Variants in ACP1 observed in about 807,000 individuals in gnomAD.
The protein encoded by ACP1 is acid phosphatase 1, also known as low molecular weight phosphotyrosine protein phosphatase.
ACP1 carries 23 observed loss-of-function variants against 23.4 expected under a neutral mutation model. The observed-to-expected ratio is 0.98, with a 90% CI of 0.71 to 1.39. The LOEUF is 1.39. Ranked by LOEUF, ACP1 falls within the 40% of genes most tolerant of loss-of-function variation. The pLI, the probability that ACP1 is intolerant of heterozygous loss-of-function variation, is 0.00. For synonymous variants in ACP1, 72 were observed against 67.2 expected (o/e 1.07, Z -0.35); for missense variants, 180 against 197.7 (o/e 0.91, Z 0.54).
At position 272,084 on chromosome 2, in the gene ACP1, C is replaced by T. The variant is rs201796949; in HGVS notation, c.165C>T (p.Pro55=). 2 of 1,614,198 alleles carry T rather than the reference C, an allele frequency of 1.2e-6. No homozygotes were observed. Among genetic ancestry groups the T allele is most frequent in the Admixed American group, 1.7e-5 (1 of 60,020 alleles). ...AATSGYEIGN[P]PDYRGQSCMK... is the part of the protein sequence containing the mutation. ...CTTCCGGGTATGAGATAGGGAACCC[C>T]CCTGACTACCGAGGGCAGAGCTGCA... The change falls in exon 3 of 6, where the codon CCC becomes CCT. Residue 55 remains proline, a synonymous_variant. Transcript: ENST00000272065.
In ACP1 at chr2:277,586, C is replaced by A; in HGVS notation, c.*282C>A. 2.3e-6 allele frequency: 1 copy of A among 432,348 alleles called. No homozygotes were observed. The highest frequency in any genetic ancestry group is 4.2e-6 in the Non-Finnish European group (1 of 235,436). The allele number at this position is 432,348 out of a possible 1,614,324, so 26.8% of individuals were successfully genotyped here. On this transcript the variant is annotated 3_prime_UTR_variant, in exon 6 of 6. Transcript: ENST00000272065. ...CCAGTTACAAAAATAGTAGAACAAG[C>A]AACATAAAACAATGAAGGAAAACCT...
In ACP1 at chr2:272,363, G is replaced by A. The variant is rs753263036; in HGVS notation, c.231+213G>A. ...AGAGTCCAGTAACTTGAGAAGTAGC[G>A]AAAGGATTAACCAGACTTGTATATT... On this transcript the variant is annotated intron_variant, in intron 3 of 5. Transcript: ENST00000272065. The A allele has an allele frequency of 3.0e-5, 46 of 1,557,634 alleles. No homozygotes were observed. The South Asian group carries it at 3.6e-4, about 12-fold the overall frequency.
Position 278,003 on chromosome 2 carries a change from T to G in ACP1, c.*699T>G, listed in dbSNP as rs1367226722. ...TAATTACATCCAGAAAGAAGGACAC[T>G]TGTATGCTAGTCTATGGTCAGTTGA... On this transcript the variant is annotated 3_prime_UTR_variant, in exon 6 of 6. Coordinates refer to ENST00000272065, the MANE Select transcript of ACP1 (RefSeq NM_004300.4). 2.0e-5 allele frequency: 3 copies of G among 152,282 alleles called. No homozygotes were observed. The highest frequency in any genetic ancestry group is 1.3e-4 in the Admixed American group (2 of 15,288). The allele number at this position is 152,282 out of a possible 1,614,324, so 9.4% of individuals were successfully genotyped here.
intron 4 of ACP1, 133 bp downstream of exon 4, chr2:275,334 T>C (rs975997608): frequency 8.9e-6 from 4 of 447,320 alleles, no homozygotes; most frequent in African/African-American, 4.0e-5. Context: ...TGTAGAATTA[T>C]TTTATTTAGA....
Position 264,981 on chromosome 2 carries a change from C to G in ACP1, c.17C>G (p.Thr6Ser), listed in dbSNP as rs202179100. The G allele has an allele frequency of 6.2e-7, 1 of 1,613,098 alleles. No individual in the cohort carries two copies. Among genetic ancestry groups the G allele is most frequent in the Non-Finnish European group, 8.5e-7 (1 of 1,179,588 alleles). Residue 6 changes from threonine to serine, a missense_variant, in exon 1 of 6, where the codon ACC becomes AGC. Coordinates refer to ENST00000272065, the MANE Select transcript of ACP1 (RefSeq NM_004300.4). ...CGCGGGAAGATGGCGGAACAGGCTACCAAGTCCGTGCTGTTTGTGTGTCTG... is the reference window on the plus strand; with the variant it reads ...CGCGGGAAGATGGCGGAACAGGCTAGCAAGTCCGTGCTGTTTGTGTGTCTG... Reference protein sequence around the residue: MAEQATKSVLFVCLGN... With the variant: MAEQASKSVLFVCLGN...
Position 267,820 on chromosome 2 carries a change from A to G in ACP1, c.43+2813A>G, listed in dbSNP as rs543504963. ...TATAATTATTTTAGATTGGCTTCAC[A>G]TGACATACAGAAAGGGTGTAGCACA... On this transcript the variant is annotated intron_variant, in intron 1 of 5. Transcript: ENST00000272065. 1.6e-4 allele frequency among the ~76,000 whole-genome samples: 25 copies of G among 152,362 alleles called. No homozygotes were observed. The South Asian group carries it at 2.9e-3, about 18-fold the overall frequency.
chr2:274,317 C>T (rs181139392), intron 3 of ACP1, among the ~76,000 whole-genome samples: 1 of 152,190 alleles, frequency 6.6e-6, no homozygotes, highest in Non-Finnish European at 1.5e-5. Flanking sequence ...CAGGTATACA[C>T]TTTCCACCTT....
intron 1 of ACP1, 43 bp downstream of exon 1, chr2:265,050 G>A (rs1669812935): frequency 6.2e-7 from 1 of 1,607,360 alleles, no homozygotes; most frequent in Non-Finnish European, 8.5e-7. Context: ...GTCCTCTGGA[G>A]AGTTGGATCG....
At chr2:267,882 A>G (rs763874002) in intron 1 of ACP1, among the ~76,000 whole-genome samples, 1 of 152,242 alleles carries the variant, frequency 6.6e-6, no homozygotes, top group African/African-American at 2.4e-5. Flanking sequence ...GCTGTGTTCT[A>G]GTGGATCTTC....
intron 4 of ACP1, among the ~76,000 whole-genome samples, chr2:276,385 A>T (rs1206762409): frequency 6.6e-6 from 1 of 152,196 alleles, no homozygotes; most frequent in Non-Finnish European, 1.5e-5. Flanking sequence ...TAAAGCACGT[A>T]CCTGACTCAT....
intron 1 of ACP1, 91 bp from the exon 2 acceptor site, chr2:271,775 C>T (rs1436021186): frequency 5.1e-6 from 5 of 980,630 alleles, no homozygotes; most frequent in East Asian, 2.4e-5. Flanking sequence ...ATAGCACAGC[C>T]CCCGTGTGTC....
Position 274,840 on chromosome 2 carries a change from G to A in ACP1, c.232-300G>A, listed in dbSNP as rs184074065. ...GATTAAATATGTGACATTTTAGTAT[G>A]TTGACTGTATTATACACTGCTACTA... On this transcript the variant is annotated intron_variant, in intron 3 of 5. Transcript: ENST00000272065. 1.2e-3 allele frequency: 244 copies of A among 199,204 alleles called. 1 individual carries two copies. The highest frequency in any genetic ancestry group is 0.011 in the Middle Eastern group (6 of 566). 12.3% of individuals were successfully genotyped at this position (199,204 alleles called of 1,614,324 possible).
chr2:267,751 C>CTA (rs1326004263), intron 1 of ACP1, among the ~76,000 whole-genome samples: 1 of 152,182 alleles, frequency 6.6e-6, no homozygotes. Context: ...TACACTGGTC[C>CTA]TTTAGGGCAG....
rs1272578628 is a variant in ACP1 at position 277,982 on chromosome 2, T to A, written c.*678T>A. 1 of 152,326 alleles carries A rather than the reference T, an allele frequency of 6.6e-6. No individual in the cohort carries two copies. Among genetic ancestry groups the A allele is most frequent in the African/African-American group, 2.4e-5 (1 of 41,452 alleles). The allele number at this position is 152,326 out of a possible 1,614,324, so 9.4% of individuals were successfully genotyped here. A position where few individuals can be genotyped will look rare whatever the true frequency, so the allele number is the denominator to read the frequency against. ...AACCACTTTGCCTCTGAAACTTAAT[T>A]ACATCCAGAAAGAAGGACACTTGTA... On this transcript the variant is annotated 3_prime_UTR_variant, in exon 6 of 6. Coordinates refer to ENST00000272065, the MANE Select transcript of ACP1 (RefSeq NM_004300.4).
chr2:272,247 C>T (rs148640616), intron 3 of ACP1, 97 bp downstream of exon 3: 1 of 1,614,168 alleles, frequency 6.2e-7, no homozygotes, highest in African/African-American at 1.3e-5. Flanking sequence ...TCCCCAGACC[C>T]AAGAGCTGTG....
At chr2:265,687 A>G (rs1335228277) in intron 1 of ACP1, among the ~76,000 whole-genome samples, 3 of 152,236 alleles carry the variant, frequency 2.0e-5, no homozygotes, top group East Asian at 1.9e-4. Flanking sequence ...GTGTAGCACT[A>G]CAAGGTTATA....
At chr2:276,372 AC>A (rs1240247841) in intron 4 of ACP1, among the ~76,000 whole-genome samples, 1 of 152,182 alleles carries the variant, frequency 6.6e-6, no homozygotes, top group East Asian at 1.9e-4. Flanking sequence ...TTCCGTTCCC[AC>A]ATAAAGCACG....
At position 264,951 on chromosome 2, in the gene ACP1, C is replaced by T. The variant is rs1264891616; in HGVS notation, c.-14C>T. 11 of 1,612,176 alleles carry T rather than the reference C, an allele frequency of 6.8e-6. No homozygotes were observed. Among genetic ancestry groups the T allele is most frequent in the Non-Finnish European group, 9.3e-6 (11 of 1,179,154 alleles). ...GGAACGCCGCGGTGTCTCGGCGCCT[C>T]TGCGCGCGGGAAGATGGCGGAACAG... On this transcript the variant is annotated 5_prime_UTR_variant, in exon 1 of 6. Transcript: ENST00000272065.
intron 1 of ACP1, among the ~76,000 whole-genome samples, chr2:265,871 T>C (rs1669859777): frequency 6.6e-6 from 1 of 152,206 alleles, no homozygotes; most frequent in Non-Finnish European, 1.5e-5. Context: ...CCAGAACCTT[T>C]CGTTGTTCGG....
Sources: gnomAD v4.1 joint callset for allele counts (sites outside exome capture counted in the v4.1 genomes callset) on GRCh38, gnomAD v4.1.1 for gene constraint, MANE v1.5 for transcripts, NCBI Gene and HGNC (gene_info 2026-07-23, HGNC 2026-07-21) for gene names.